The following CENPC variants were observed in gnomAD, a reference collection of about 807,000 sequenced individuals.
CENPC encodes the protein centromere protein C, also known as CENP-C 1.
Under a neutral mutation model 112.1 loss-of-function variants are expected in CENPC, and 63 were observed. The ratio of observed to expected loss-of-function variants is 0.56; its 90% CI spans 0.46 to 0.69. CENPC has a LOEUF of 0.69. Ranked by LOEUF, CENPC falls within the 30% of genes least tolerant of loss-of-function variation. CENPC has a pLI of 0.00. For synonymous variants in CENPC, 333 were observed against 367.6 expected, an observed-to-expected ratio of 0.91 and a Z score of 1.08; for missense variants, 1,000 against 1,103.8, an observed-to-expected ratio of 0.91 and a Z score of 1.33.
intron 17 of CENPC, among the ~76,000 whole-genome samples, chr4:67,481,328 C>T (rs1281823771): frequency 6.6e-6 from 1 of 152,120 alleles, no homozygotes; most frequent in Non-Finnish European, 1.5e-5. Flanking sequence ...GACATACTGC[C>T]AAAAGCAATC....
In CENPC at chr4:67,514,484, T is replaced by C; in HGVS notation, c.1034A>G (p.Lys345Arg). The C allele has an allele frequency of 6.2e-7, 1 of 1,613,636 alleles. No individual in the cohort carries two copies. The highest frequency in any genetic ancestry group is 1.1e-5 in the South Asian group (1 of 91,044). Reference protein sequence around the residue: ...AESTALLQGRKSREKHHNILP... With the variant: ...AESTALLQGRRSREKHHNILP... ...TATATTATGATGCTTTTCTCTTGAC[T>C]TTCTACCTTGAAGGAGTGCAGTGCT... Residue 345 changes from lysine (K) to arginine (R), a missense_variant, in exon 8 of 19, where the codon AAG (lysine) becomes AGG (arginine). Lys to Arg is a conservative substitution (Grantham distance 26, BLOSUM62 2). Transcript: ENST00000273853.
intron 5 of CENPC, among the ~76,000 whole-genome samples, chr4:67,520,446 C>A (rs573808538): frequency 6.6e-6 from 1 of 152,104 alleles, no homozygotes. Flanking sequence ...AACCAGGGCA[C>A]CAGCAGACAG....
intron 7 of CENPC, among the ~76,000 whole-genome samples, chr4:67,517,211 G>C (rs1489469174): frequency 1.3e-5 from 2 of 151,764 alleles, no homozygotes; most frequent in Admixed American, 6.5e-5. Context: ...ACCTAGGCTA[G>C]AGTGCAGTGG....
At chr4:67,482,449 C>G (rs529305775) in intron 17 of CENPC, among the ~76,000 whole-genome samples, 2 of 152,198 alleles carry the variant, frequency 1.3e-5, no homozygotes, top group African/African-American at 2.4e-5. Context: ...CACTTGCACA[C>G]GTACATTTAT....
chr4:67,497,791 G>A (rs1013176974), intron 12 of CENPC, among the ~76,000 whole-genome samples: 3 of 76,098 alleles, frequency 3.9e-5, no homozygotes, highest in Non-Finnish European at 8.0e-5. Context: ...GCCTCCCAAA[G>A]TGTTGGGTGG....
chr4:67,542,791 T>C (rs1297707960), intron 2 of CENPC, among the ~76,000 whole-genome samples: 1 of 152,140 alleles, frequency 6.6e-6, no homozygotes. Context: ...GGCCTTGACA[T>C]CACCCCAAAA....
intron 12 of CENPC, among the ~76,000 whole-genome samples, chr4:67,496,345 G>C (rs1725430714): frequency 6.6e-6 from 1 of 152,124 alleles, no homozygotes; most frequent in Non-Finnish European, 1.5e-5. Context: ...ACCCAACTAA[G>C]CCAAGTCAAT....
In CENPC at chr4:67,507,548, A is replaced by T. The variant is rs560727227; in HGVS notation, c.1905-614T>A. On this transcript the variant is annotated intron_variant, in intron 10 of 18. Transcript: ENST00000273853. ...AATGGACAAACTCCTAGAAAGACAC[A>T]AATTATCAAAATTGATTCAAGAGGA... 4.1e-4 allele frequency among the ~76,000 whole-genome samples: 63 copies of T among 152,286 alleles called. No homozygotes were observed. The South Asian group carries it at 0.013, about 31-fold the overall frequency.
At position 67,472,694 on chromosome 4, in the gene CENPC, G is replaced by A. The variant is rs1304229438; in HGVS notation, c.2762-19C>T. The A allele has an allele frequency of 6.1e-6, 9 of 1,485,466 alleles. No individual in the cohort carries two copies. Among genetic ancestry groups the A allele is most frequent in the Non-Finnish European group, 8.0e-6 (9 of 1,122,974 alleles). 92.0% of individuals were successfully genotyped at this position (1,485,466 alleles called of 1,614,324 possible). On this transcript the variant is annotated intron_variant, in intron 18 of 18. Coordinates refer to ENST00000273853, the MANE Select transcript of CENPC (RefSeq NM_001812.4). The stretch of plus-strand genomic sequence containing the variant: ...TAGTTACCTAAAAGTAAAGTGATAA[G>A]AAAATAAAAATTATTTACATATGAA...
At chr4:67,540,809 G>A (rs1428801609) in intron 3 of CENPC, among the ~76,000 whole-genome samples, 171 bp downstream of exon 3, 1 of 152,150 alleles carries the variant, frequency 6.6e-6, no homozygotes, top group Non-Finnish European at 1.5e-5. Context: ...ATTATCCTAA[G>A]TATACCAGAA....
At chr4:67,509,233 C>T (rs1725827917) in intron 9 of CENPC, 128 bp from the exon 10 acceptor site, 9 of 598,886 alleles carry the variant, frequency 1.5e-5, no homozygotes, top group Non-Finnish European at 2.6e-5. Flanking sequence ...CACACACACA[C>T]ACACACACAC....
intron 7 of CENPC, among the ~76,000 whole-genome samples, chr4:67,515,520 C>CT (rs1476815146): frequency 2.6e-5 from 4 of 151,492 alleles, no homozygotes; most frequent in Non-Finnish European, 4.4e-5. Context: ...TTCTTCCTAT[C>CT]TTTTTTTACA....
intron 4 of CENPC, 142 bp downstream of exon 4, chr4:67,539,697 CA>C (rs1226714313): frequency 6.6e-6 from 3 of 457,732 alleles, no homozygotes; most frequent in African/African-American, 6.2e-5. Flanking sequence ...AAAATACCTC[CA>C]AATTTTATAG....
In CENPC at chr4:67,471,400, T is replaced by C. The variant is rs1724656873; in HGVS notation, c.*1205A>G. 1 of 152,006 alleles carries C rather than the reference T, an allele frequency of 6.6e-6. No homozygotes were observed. Among genetic ancestry groups the C allele is most frequent in the Non-Finnish European group, 1.5e-5 (1 of 67,998 alleles). 9.4% of individuals were successfully genotyped at this position (152,006 alleles called of 1,614,324 possible). ...GCTGTCAACCAAAAATTATTAGACA[T>C]GTAAAAACATATGAAAGTGAAATAT... On this transcript the variant is annotated 3_prime_UTR_variant, in exon 19 of 19. Transcript: ENST00000273853.
intron 5 of CENPC, among the ~76,000 whole-genome samples, chr4:67,528,360 AGT>A (rs1726447028): frequency 6.6e-6 from 1 of 152,180 alleles, no homozygotes; most frequent in Non-Finnish European, 1.5e-5. Context: ...ACCATTTATG[AGT>A]GTACAATTTA....
At chr4:67,491,288 C>T (rs1725250856) in intron 16 of CENPC, among the ~76,000 whole-genome samples, 1 of 150,652 alleles carries the variant, frequency 6.6e-6, no homozygotes, top group South Asian at 2.1e-4. Context: ...ATTCTCCTGT[C>T]CCAGCCTCCC....
intron 8 of CENPC, 43 bp from the exon 9 acceptor site, chr4:67,512,612 AAG>A: frequency 7.4e-7 from 1 of 1,360,056 alleles, no homozygotes; most frequent in Non-Finnish European, 9.7e-7. Context: ...AATCTACTAA[AAG>A]AGTTTTCAGA....
At chr4:67,515,649 T>C (rs173317) in intron 7 of CENPC, among the ~76,000 whole-genome samples, 25,805 of 151,936 alleles carry the variant, frequency 0.17, 3,190 homozygotes, top group East Asian at 0.57. Context: ...AAATAATAAA[T>C]GTTGTTTTAA....
rs1240606728 is a variant in CENPC, at chr4:67,470,810, A to C, written c.*1795T>G. 1.3e-5 allele frequency: 2 copies of C among 152,174 alleles called. No homozygotes were observed. Among genetic ancestry groups the C allele is most frequent in the African/African-American group, 4.8e-5 (2 of 41,438 alleles). 9.4% of individuals were successfully genotyped at this position (152,174 alleles called of 1,614,324 possible). A position where few individuals can be genotyped will look rare whatever the true frequency, so the allele number is the denominator to read the frequency against. On this transcript the variant is annotated 3_prime_UTR_variant, in exon 19 of 19. Coordinates refer to ENST00000273853, the MANE Select transcript of CENPC (RefSeq NM_001812.4). The stretch of plus-strand genomic sequence containing the variant: ...ATAAACCTACAACTTTGTAAGTCAA[A>C]AGTAAAAAAATCACTTAGGAATGGA...
Sources: gnomAD v4.1 joint callset for allele counts (sites outside exome capture counted in the v4.1 genomes callset) on GRCh38, gnomAD v4.1.1 for gene constraint, MANE v1.5 for transcripts, NCBI Gene and HGNC (gene_info 2026-07-23, HGNC 2026-07-21) for gene names.